Variants in DNAAF5 observed in about 807,000 individuals in gnomAD.
The protein encoded by DNAAF5 is HEAT repeat containing 2.
Under a neutral mutation model 75.8 loss-of-function variants are expected in DNAAF5, and 64 were observed. The ratio of observed to expected loss-of-function variants is 0.84; its 90% CI spans 0.69 to 1.04. DNAAF5 has a LOEUF of 1.04. Ranked by LOEUF, DNAAF5 falls within the 50% of genes least tolerant of loss-of-function variation. DNAAF5 has a pLI of 0.00. For missense variants in DNAAF5, 1,269 were observed against 1,178.5 expected, an observed-to-expected ratio of 1.08 and a Z score of -1.12; for synonymous variants, 657 against 557.2, an observed-to-expected ratio of 1.18 and a Z score of -2.52.
rs1781909318 is a variant in DNAAF5 at position 741,457 on chromosome 7, C to G, written c.1016C>G (p.Pro339Arg). ...DFAPPTPPHY[P>R]PHERRPVLGC... ...GCCCCTCCCACCCCACCCCATTACC[C>G]TCCACATGGTGAGTGACCGCGGCAG... is the stretch of plus-strand genomic sequence containing the variant. Residue 339 changes from proline to arginine, a missense_variant, in exon 4 of 13, where the codon CCT becomes CGT. Pro to Arg is a moderately radical substitution (Grantham distance 103, BLOSUM62 -2). Transcript: ENST00000297440. The G allele has an allele frequency of 6.5e-7, 1 of 1,547,850 alleles. No homozygotes were observed. Among genetic ancestry groups the G allele is most frequent in the African/African-American group, 1.4e-5 (1 of 74,010 alleles).
At chr7:731,010 C>G (rs1781547010) in intron 2 of DNAAF5, among the ~76,000 whole-genome samples, 1 of 152,212 alleles carries the variant, frequency 6.6e-6, no homozygotes, top group African/African-American at 2.4e-5. Context: ...ACTTCTGGCA[C>G]TGGCTAAATA....
At chr7:765,510 C>T (rs1020793893) in intron 8 of DNAAF5, among the ~76,000 whole-genome samples, 1 of 152,204 alleles carries the variant, frequency 6.6e-6, no homozygotes, top group African/African-American at 2.4e-5. Context: ...CTTGCATTTA[C>T]TGCAGCTCTG....
rs879925524 is a variant in DNAAF5 at position 742,292 on chromosome 7, CATCAGATGCCCAGCCCAA to C, written c.1024+842_1024+859del. On this transcript the variant is annotated intron_variant, in intron 4 of 12. Coordinates refer to ENST00000297440, the MANE Select transcript of DNAAF5 (RefSeq NM_017802.4). Reference sequence around the variant, plus strand: ...CAAAAAGTAGGTGAAGCGCAGCCCACATCAGATGCCCAGCCCAAATCAGATGCCCAGCTCAAATCAGAC... The same window carrying C: ...CAAAAAGTAGGTGAAGCGCAGCCCACATCAGATGCCCAGCTCAAATCAGAC... Among the ~76,000 whole-genome samples the C allele has an allele frequency of 5.9e-3, 895 of 152,300 alleles. 9 individuals carry two copies. Among genetic ancestry groups the C allele is most frequent in the African/African-American group, 0.02 (822 of 41,562 alleles).
chr7:763,363 G>A (rs1319490832), intron 7 of DNAAF5, among the ~76,000 whole-genome samples: 2 of 152,188 alleles, frequency 1.3e-5, no homozygotes, highest in African/African-American at 4.8e-5. Context: ...AAAAGTAAAA[G>A]GTGGCCAAGG....
At chr7:743,666 CAG>C (rs1001143016) in intron 4 of DNAAF5, among the ~76,000 whole-genome samples, 1 of 124,806 alleles carries the variant, frequency 8.0e-6, no homozygotes, top group African/African-American at 3.0e-5. Context: ...TTTTTTGAGA[CAG>C]AGTTTCACTC....
At chr7:736,757 G>A (rs1368224078) in intron 2 of DNAAF5, among the ~76,000 whole-genome samples, 1 of 152,104 alleles carries the variant, frequency 6.6e-6, no homozygotes, top group Non-Finnish European at 1.5e-5. Context: ...TTTTCTGGTT[G>A]TTTCGTGGTC....
intron 7 of DNAAF5, among the ~76,000 whole-genome samples, chr7:762,558 C>T (rs1411586488): frequency 6.6e-6 from 1 of 152,054 alleles, no homozygotes; most frequent in Non-Finnish European, 1.5e-5. Context: ...TTCCCGCTCT[C>T]ATTGCAGCAC....
intron 8 of DNAAF5, among the ~76,000 whole-genome samples, chr7:767,550 A>G (rs1778353908): frequency 6.6e-6 from 1 of 152,262 alleles, no homozygotes; most frequent in Non-Finnish European, 1.5e-5. Flanking sequence ...ATATTTCCAT[A>G]GAAGAAATGC....
At chr7:760,394 G>T (rs985817195) in intron 6 of DNAAF5, among the ~76,000 whole-genome samples, 1 of 152,166 alleles carries the variant, frequency 6.6e-6, no homozygotes, top group Non-Finnish European at 1.5e-5. Flanking sequence ...TATGTACACT[G>T]TTGATAAATC....
At chr7:770,365 T>A (rs1778512841) in intron 8 of DNAAF5, 106 bp from the exon 9 acceptor site, 1 of 987,882 alleles carries the variant, frequency 1.0e-6, no homozygotes, top group Admixed American at 2.6e-5. Context: ...TGGTGGCCGA[T>A]AGTGCCCTCT....
Position 785,761 on chromosome 7 carries a change from A to C in DNAAF5, c.*108A>C. 6.8e-6 allele frequency: 9 copies of C among 1,320,696 alleles called. No homozygotes were observed. The highest frequency in any genetic ancestry group is 9.3e-6 in the Non-Finnish European group (9 of 967,576). 81.8% of individuals were successfully genotyped at this position (1,320,696 alleles called of 1,614,324 possible). A position where few individuals can be genotyped will look rare whatever the true frequency, so the allele number is the denominator to read the frequency against. On this transcript the variant is annotated 3_prime_UTR_variant, in exon 13 of 13. Transcript: ENST00000297440. ...TCTGTGCCAGCAGTGAGACTGTGACAGCAAGAATGTACTCCTCAGGACACC... is the reference window on the plus strand; with the variant it reads ...TCTGTGCCAGCAGTGAGACTGTGACCGCAAGAATGTACTCCTCAGGACACC...
Position 726,831 on chromosome 7 carries a change from G to A in DNAAF5, c.111G>A (p.Gly37=), listed in dbSNP as rs1781315184. 1.5e-6 allele frequency: 2 copies of A among 1,329,446 alleles called. No individual in the cohort carries two copies. The highest frequency in any genetic ancestry group is 9.6e-7 in the Non-Finnish European group (1 of 1,042,502). The allele number at this position is 1,329,446 out of a possible 1,614,324, so 82.4% of individuals were successfully genotyped here. A position where few individuals can be genotyped will look rare whatever the true frequency, so the allele number is the denominator to read the frequency against. The change falls in exon 1 of 13, where the codon GGG becomes GGA. Residue 37 remains glycine, a synonymous_variant. Coordinates refer to ENST00000297440, the MANE Select transcript of DNAAF5 (RefSeq NM_017802.4). ...LSRALSRLLP[G]LEADSKPGRR... ...GCGCCCTGAGCCGCCTGCTGCCGGG[G>A]CTGGAGGCCGACAGCAAGCCGGGCC...
chr7:747,190 C>T (rs1282099844), intron 4 of DNAAF5, among the ~76,000 whole-genome samples: 1 of 152,242 alleles, frequency 6.6e-6, no homozygotes, highest in Non-Finnish European at 1.5e-5. Context: ...TAGAAACTCA[C>T]CACACACTGT....
chr7:764,108 C>A, intron 8 of DNAAF5, 134 bp downstream of exon 8: 1 of 907,934 alleles, frequency 1.1e-6, no homozygotes. Flanking sequence ...TAAAAGTACC[C>A]AATAGTCACT....
chr7:742,413 G>A (rs1405822261), intron 4 of DNAAF5, among the ~76,000 whole-genome samples: 1 of 102,850 alleles, frequency 9.7e-6, no homozygotes, highest in East Asian at 2.9e-4. Context: ...AAATCAAGAC[G>A]CCCAGCTCAA....
intron 7 of DNAAF5, among the ~76,000 whole-genome samples, chr7:763,604 G>A (rs980666904): frequency 6.6e-6 from 1 of 152,214 alleles, no homozygotes; most frequent in Non-Finnish European, 1.5e-5. Flanking sequence ...GTGTGAACGG[G>A]ATCAGGGTCT....
At chr7:761,537 G>A (rs548843855) in intron 6 of DNAAF5, among the ~76,000 whole-genome samples, 24 of 152,394 alleles carry the variant, frequency 1.6e-4, no homozygotes, top group Non-Finnish European at 3.2e-4. Context: ...GCGAGAGAGT[G>A]TGCAGGGGAA....
chr7:737,677 T>C (rs1320149373), intron 2 of DNAAF5, among the ~76,000 whole-genome samples: 1 of 152,246 alleles, frequency 6.6e-6, no homozygotes, highest in African/African-American at 2.4e-5. Flanking sequence ...TGAAGGATTT[T>C]TCACTGGATA....
At chr7:728,191 T>A (rs1479119328) in intron 1 of DNAAF5, among the ~76,000 whole-genome samples, 1 of 152,152 alleles carries the variant, frequency 6.6e-6, no homozygotes, top group Non-Finnish European at 1.5e-5. Flanking sequence ...TCTTGCCCTT[T>A]CCCTCCCCTG....
Sources: gnomAD v4.1 joint callset for allele counts (sites outside exome capture counted in the v4.1 genomes callset) on GRCh38, gnomAD v4.1.1 for gene constraint, MANE v1.5 for transcripts, NCBI Gene and HGNC (gene_info 2026-07-23, HGNC 2026-07-21) for gene names.